Variants in STAG1 observed in about 807,000 individuals in gnomAD.
The protein encoded by STAG1 is cohesin subunit SA-1.
STAG1 carries 26 observed loss-of-function variants against 170.9 expected under a neutral mutation model. That is an observed-to-expected ratio of 0.15 (90% CI 0.11 to 0.21). The LOEUF is 0.21. Ranked by LOEUF, STAG1 falls within the 10% of genes least tolerant of loss-of-function variation. The pLI is 1.00. For synonymous variants in STAG1, 514 were observed against 497.7 expected (o/e 1.03, Z -0.44); for missense variants, 964 against 1,509.5 (o/e 0.64, Z 5.99).
At chr3:136,737,934 G>A (rs988578497) in intron 1 of STAG1, among the ~76,000 whole-genome samples, 11 of 151,948 alleles carry the variant, frequency 7.2e-5, no homozygotes, top group Non-Finnish European at 7.4e-5. Context: ...CGGGCATGGT[G>A]GTGTGCACTG....
At chr3:136,376,853 C>T (rs1250962280) in intron 23 of STAG1, among the ~76,000 whole-genome samples, 1 of 151,694 alleles carries the variant, frequency 6.6e-6, no homozygotes, top group Non-Finnish European at 1.5e-5. Context: ...TGCAATGGCG[C>T]GATCTTGGCT....
intron 1 of STAG1, among the ~76,000 whole-genome samples, chr3:136,723,570 C>T (rs922404770): frequency 4.0e-5 from 6 of 151,110 alleles, no homozygotes; most frequent in Non-Finnish European, 7.4e-5. Context: ...TGGGGGTCAG[C>T]CCCCGCCAGG....
chr3:136,339,395 T>G (rs1016711011), intron 32 of STAG1, among the ~76,000 whole-genome samples: 4 of 152,166 alleles, frequency 2.6e-5, no homozygotes, highest in Admixed American at 6.5e-5. Flanking sequence ...TGGTGGCATG[T>G]GCCTATAGTG....
chr3:136,344,124 A>C, intron 29 of STAG1, 118 bp from the exon 30 acceptor site: 5 of 653,622 alleles, frequency 7.6e-6, no homozygotes, highest in Non-Finnish European at 1.2e-5. Context: ...TTTAAATCTC[A>C]GTTCCACCAC....
chr3:136,461,612 G>C (rs921256581), intron 13 of STAG1, among the ~76,000 whole-genome samples: 1 of 144,960 alleles, frequency 6.9e-6, no homozygotes, highest in East Asian at 2.1e-4. Flanking sequence ...AAAAGAGAAA[G>C]AAAACACTGG....
At chr3:136,679,596 G>T (rs1942264054) in intron 1 of STAG1, among the ~76,000 whole-genome samples, 1 of 152,130 alleles carries the variant, frequency 6.6e-6, no homozygotes, top group Non-Finnish European at 1.5e-5. Context: ...GGGCGCGGTG[G>T]TGGGCGCCTG....
chr3:136,350,275 C>A (rs576826905), intron 28 of STAG1, among the ~76,000 whole-genome samples: 29 of 152,288 alleles, frequency 1.9e-4, no homozygotes, highest in Non-Finnish European at 2.8e-4. Context: ...TCTATCTAGT[C>A]CAGGCAGGTG....
At chr3:136,429,271 G>C (rs904055594) in intron 16 of STAG1, among the ~76,000 whole-genome samples, 1 of 152,126 alleles carries the variant, frequency 6.6e-6, no homozygotes, top group African/African-American at 2.4e-5. Context: ...GCTGGCCCTG[G>C]TGGCGGGTGC....
chr3:136,413,048 C>G (rs2087670458), intron 21 of STAG1, among the ~76,000 whole-genome samples: 1 of 151,118 alleles, frequency 6.6e-6, no homozygotes, highest in African/African-American at 2.4e-5. Context: ...ATTTTTAGTA[C>G]AGACAGGGTT....
chr3:136,494,220 G>A (rs188987834), intron 9 of STAG1, among the ~76,000 whole-genome samples: 1 of 152,184 alleles, frequency 6.6e-6, no homozygotes, highest in Admixed American at 6.5e-5. Flanking sequence ...CTACGGAGTT[G>A]TGATTGTGCC....
chr3:136,503,984 A>C (rs1468531656), intron 7 of STAG1, among the ~76,000 whole-genome samples: 1 of 152,052 alleles, frequency 6.6e-6, no homozygotes, highest in African/African-American at 2.4e-5. Flanking sequence ...TGATCCGCCC[A>C]CCTTGGCCTC....
chr3:136,555,509 C>A lies in STAG1; in HGVS notation c.394+13256G>T, dbSNP rs139974523. Reference sequence around the variant, plus strand: ...GACCAGCCTGGCCAATATGGTGAAACCCTATCTCTACTAAAAATACAAAAA... The same window carrying A: ...GACCAGCCTGGCCAATATGGTGAAAACCTATCTCTACTAAAAATACAAAAA... On this transcript the variant is annotated intron_variant, in intron 5 of 33. Transcript: ENST00000383202. 4.0e-3 allele frequency among the ~76,000 whole-genome samples: 612 copies of A among 151,812 alleles called. 1 individual carries two copies. Among genetic ancestry groups the A allele is most frequent in the Middle Eastern group, 0.031 (9 of 292 alleles).
intron 1 of STAG1, among the ~76,000 whole-genome samples, chr3:136,751,777 G>C (rs1238181035): frequency 6.6e-6 from 1 of 150,738 alleles, no homozygotes; most frequent in Non-Finnish European, 1.5e-5. Context: ...GCCCGGCCCC[G>C]CTGGGCGCGG....
chr3:136,475,138 CTTTTTTTTTTTT>C (rs10686674), intron 10 of STAG1, among the ~76,000 whole-genome samples: 15 of 76,028 alleles, frequency 2.0e-4, no homozygotes, highest in Non-Finnish European at 3.3e-4. Flanking sequence ...TTATAGGTTC[CTTTTTTTTTTTT>C]TTTTTTTTTT....
chr3:136,485,389 G>A (rs1053856777), intron 9 of STAG1, among the ~76,000 whole-genome samples: 11 of 152,072 alleles, frequency 7.2e-5, no homozygotes, highest in African/African-American at 2.4e-4. Flanking sequence ...CCCAGGAGGC[G>A]GAGGTTGCAG....
chr3:136,377,087 C>G (rs1937637933), intron 23 of STAG1, among the ~76,000 whole-genome samples: 1 of 146,352 alleles, frequency 6.8e-6, no homozygotes, highest in African/African-American at 2.5e-5. Context: ...ATTCTGGTGT[C>G]AATTCTTAGG....
chr3:136,701,172 G>C (rs1031454576), intron 1 of STAG1, among the ~76,000 whole-genome samples: 14 of 152,058 alleles, frequency 9.2e-5, no homozygotes, highest in African/African-American at 2.9e-4. Context: ...GTGAGCCACT[G>C]CACCCAGCCT....
intron 1 of STAG1, among the ~76,000 whole-genome samples, chr3:136,650,825 T>C (rs1361835726): frequency 6.6e-6 from 1 of 151,732 alleles, no homozygotes. Context: ...AATAAACTGG[T>C]AGCCCTGAGC....
At chr3:136,606,923 TG>T (rs1376201257) in intron 3 of STAG1, among the ~76,000 whole-genome samples, 2 of 151,964 alleles carry the variant, frequency 1.3e-5, no homozygotes, top group African/African-American at 4.8e-5. Context: ...AACTTTTTTT[TG>T]TATTTTTAGT....
Sources: allele counts gnomAD v4.1 joint callset (sites outside exome capture counted in the v4.1 genomes callset), GRCh38; gene constraint gnomAD v4.1.1; transcripts MANE v1.5; gene names NCBI Gene and HGNC (gene_info 2026-07-23, HGNC 2026-07-21).